The following TENM2 variants were observed in gnomAD, a reference collection of about 807,000 sequenced individuals.
The protein encoded by TENM2 is teneurin-2.
A neutral mutation model predicts 245.2 loss-of-function variants in TENM2; 52 were observed. The ratio of observed to expected loss-of-function variants is 0.21; its 90% CI spans 0.17 to 0.27. TENM2 has a LOEUF of 0.27. Ranked by LOEUF, TENM2 falls within the 10% of genes least tolerant of loss-of-function variation. The probability of loss-of-function intolerance (pLI) is 1.00; values close to 1 mark genes in which losing one functional copy is unlikely to be tolerated. For synonymous variants in TENM2, 1,363 were observed against 1,438.9 expected, an observed-to-expected ratio of 0.95 and a Z score of 1.19; for missense variants, 3,046 against 3,666.8, an observed-to-expected ratio of 0.83 and a Z score of 4.37.
At chr5:166,997,969 C>G in the TENM2 span, among the ~76,000 whole-genome samples, 2 of 152,188 alleles carry the variant, frequency 1.3e-5, no homozygotes, top group African/African-American at 4.8e-5. Context: ...TGTACTCCCT[C>G]TAGTTTCATA....
chr5:167,496,019 A>C (rs1000719339), intron 2 of TENM2, among the ~76,000 whole-genome samples: 1 of 152,020 alleles, frequency 6.6e-6, no homozygotes, highest in Non-Finnish European at 1.5e-5. Flanking sequence ...GAAAATTCCT[A>C]GTGCAAGCAA....
the TENM2 span, among the ~76,000 whole-genome samples, chr5:167,209,253 T>C: frequency 2.0e-5 from 3 of 151,954 alleles, no homozygotes; most frequent in African/African-American, 4.8e-5. Context: ...TTTTAAAAGT[T>C]AGCTATTTTT....
At chr5:167,187,057 T>C in the TENM2 span, among the ~76,000 whole-genome samples, 2 of 152,228 alleles carry the variant, frequency 1.3e-5, no homozygotes, top group Non-Finnish European at 2.9e-5. Context: ...TTGGGTTTTC[T>C]TGGTCTCAGA....
intron 4 of TENM2, among the ~76,000 whole-genome samples, chr5:167,992,610 G>A (rs531001196): frequency 2.0e-5 from 3 of 152,146 alleles, no homozygotes; most frequent in African/African-American, 4.8e-5. Context: ...TTAAAAAATA[G>A]TAGGTATCTA....
chr5:167,641,724 C>T (rs1023605908), intron 2 of TENM2, among the ~76,000 whole-genome samples: 2 of 152,196 alleles, frequency 1.3e-5, no homozygotes, highest in African/African-American at 4.8e-5. Context: ...AGTTAACTTT[C>T]TCTGAGCTTC....
chr5:167,028,978 T>C, the TENM2 span, among the ~76,000 whole-genome samples: 1 of 152,186 alleles, frequency 6.6e-6, no homozygotes, highest in Non-Finnish European at 1.5e-5. Context: ...TTTAATGTGT[T>C]TGCATTTTAT....
rs1762207445 is a variant in TENM2 at position 168,204,608 on chromosome 5, A to G, written c.3811A>G (p.Ile1271Val). 14 of 1,613,812 alleles carry G rather than the reference A, an allele frequency of 8.7e-6. No individual in the cohort carries two copies. In the East Asian group the frequency reaches 2.7e-4, roughly 31 times the overall value. The change falls in exon 19 of 29, where the codon ATC becomes GTC. Residue 1271 changes from isoleucine to valine, a missense_variant. Physicochemically the swap from Ile to Val is conservative, Grantham distance 29. Coordinates refer to ENST00000518659, the Ensembl canonical transcript of TENM2. ...CTTTCCCTCTCGAAATGTGACCAGC[A>G]TCTTGGAGTTACGGTAAATGGCCTC...
At chr5:167,357,229 A>G (rs1053890940) in intron 1 of TENM2, among the ~76,000 whole-genome samples, 1 of 152,164 alleles carries the variant, frequency 6.6e-6, no homozygotes, top group South Asian at 2.1e-4. Flanking sequence ...CTTCAGGAAT[A>G]ACATGGTCCA....
At chr5:167,927,941 G>A (rs913282840) in intron 3 of TENM2, among the ~76,000 whole-genome samples, 1 of 152,178 alleles carries the variant, frequency 6.6e-6, no homozygotes, top group East Asian at 1.9e-4. Context: ...GATGATAAAG[G>A]CATACTGTAG....
intron 2 of TENM2, among the ~76,000 whole-genome samples, chr5:167,412,063 C>T (rs1449959291): frequency 6.6e-6 from 1 of 151,984 alleles, no homozygotes; most frequent in Non-Finnish European, 1.5e-5. Flanking sequence ...AAATTGGGTA[C>T]AGTGGGATTT....
the TENM2 span, among the ~76,000 whole-genome samples, chr5:167,120,816 G>T: frequency 2.0e-5 from 3 of 152,232 alleles, no homozygotes; most frequent in African/African-American, 7.2e-5. Flanking sequence ...AAGATTGGCT[G>T]CTTGGAGTGT....
chr5:167,040,293 G>C, the TENM2 span, among the ~76,000 whole-genome samples: 1 of 152,036 alleles, frequency 6.6e-6, no homozygotes, highest in African/African-American at 2.4e-5. Flanking sequence ...TTGTTGTCCC[G>C]GAAGAAGCAA....
At chr5:167,852,281 C>G (rs1305322070) in intron 2 of TENM2, among the ~76,000 whole-genome samples, 1 of 152,162 alleles carries the variant, frequency 6.6e-6, no homozygotes. Context: ...TGTTTTTCAG[C>G]TATGAAGATA....
chr5:167,927,289 T>C (rs910616058), intron 3 of TENM2, among the ~76,000 whole-genome samples: 2 of 152,224 alleles, frequency 1.3e-5, no homozygotes, highest in Admixed American at 1.3e-4. Context: ...CCCAATGTTT[T>C]ATAATTCCAA....
chr5:168,186,063 A>G (rs1760401307), intron 13 of TENM2: 1 of 150,854 alleles, frequency 6.6e-6, no homozygotes, highest in African/African-American at 2.4e-5. Context: ...GTACAATTAT[A>G]ACTCAGTTTT....
chr5:167,345,456 T>C (rs1431082599), intron 1 of TENM2, among the ~76,000 whole-genome samples: 1 of 152,186 alleles, frequency 6.6e-6, no homozygotes, highest in Non-Finnish European at 1.5e-5. Context: ...CAGACAGAGA[T>C]GACAGAAAGA....
chr5:167,650,400 T>G (rs548040367), intron 2 of TENM2, among the ~76,000 whole-genome samples: 104 of 152,300 alleles, frequency 6.8e-4, no homozygotes, highest in Non-Finnish European at 1.4e-3. Context: ...TGCCCCTAAT[T>G]CAGCTAAGGT....
chr5:167,921,647 GA>G (rs748384117), intron 3 of TENM2, among the ~76,000 whole-genome samples: 5 of 152,140 alleles, frequency 3.3e-5, no homozygotes, highest in Non-Finnish European at 7.3e-5. Context: ...AACAAACTAT[GA>G]TAGACGGGAA....
chr5:168,076,454 G>A (rs1361559944), intron 7 of TENM2, among the ~76,000 whole-genome samples: 1 of 152,028 alleles, frequency 6.6e-6, no homozygotes, highest in African/African-American at 2.4e-5. Flanking sequence ...TCGAACTCCT[G>A]ACCTCGTAAT....
Sources: allele counts gnomAD v4.1 joint callset (sites outside exome capture counted in the v4.1 genomes callset), GRCh38; gene constraint gnomAD v4.1.1; transcripts MANE v1.5; gene names NCBI Gene and HGNC (gene_info 2026-07-23, HGNC 2026-07-21).